CDH4: variants seen among roughly 807,000 people sequenced by gnomAD.
CDH4 encodes the protein cadherin-4.
In CDH4, 33 loss-of-function variants were observed where a neutral mutation model predicts 86.0. That is an observed-to-expected ratio of 0.38 (90% CI 0.29 to 0.51). The LOEUF (loss-of-function observed/expected upper bound fraction) is 0.51. Ranked by LOEUF, CDH4 falls within the 20% of genes least tolerant of loss-of-function variation. The probability of loss-of-function intolerance (pLI) is 0.86; values close to 1 mark genes in which losing one functional copy is unlikely to be tolerated. For synonymous variants in CDH4, 555 were observed against 549.4 expected, an observed-to-expected ratio of 1.01 and a Z score of -0.14; for missense variants, 1,114 against 1,307.4, an observed-to-expected ratio of 0.85 and a Z score of 2.28.
In CDH4 at chr20:61,810,512, A is replaced by G. The variant is rs936353054; in HGVS notation, c.577-34156A>G. On this transcript the variant is annotated intron_variant, in intron 4 of 15. Transcript: ENST00000614565. This position sits in a 1 kb window ranked among gnomAD's most constrained non-coding sequence, Gnocchi z 4.3. The stretch of plus-strand genomic sequence containing the variant: ...AGTGGGAAGGAGCAAGGGAGCGTGT[A>G]CGGGAACCAGAATCAGGGAGCCACA... 6.6e-6 allele frequency among the ~76,000 whole-genome samples: 1 copy of G among 152,118 alleles called. No individual in the cohort carries two copies. Among genetic ancestry groups the G allele is most frequent in the African/African-American group, 2.4e-5 (1 of 41,410 alleles).
intron 3 of CDH4, among the ~76,000 whole-genome samples, chr20:61,767,924 G>A (rs2145979187): frequency 6.6e-6 from 1 of 152,332 alleles, no homozygotes; most frequent in East Asian, 1.9e-4. Flanking sequence ...GCAGCTCCGG[G>A]AAGCTGCCCC....
intron 5 of CDH4, among the ~76,000 whole-genome samples, chr20:61,852,282 G>A (rs533718560): frequency 7.9e-5 from 12 of 152,260 alleles, no homozygotes; most frequent in African/African-American, 1.2e-4. Flanking sequence ...TGCACACCCC[G>A]ACCTGTCTCC....
chr20:61,692,890 A>ATAT (rs2087675552), intron 2 of CDH4, among the ~76,000 whole-genome samples: 1 of 149,170 alleles, frequency 6.7e-6, no homozygotes, highest in Admixed American at 6.7e-5. Context: ...GCCCGTGTGG[A>ATAT]TATTGGTCAA....
chr20:61,525,645 G>A (rs990123268), intron 2 of CDH4, among the ~76,000 whole-genome samples: 2 of 152,182 alleles, frequency 1.3e-5, no homozygotes, highest in African/African-American at 2.4e-5. Context: ...TCTGTGCTGC[G>A]GCTGTACCCG....
At chr20:61,444,644 CGT>C (rs1260707050) in intron 2 of CDH4, among the ~76,000 whole-genome samples, 27 of 74,462 alleles carry the variant, frequency 3.6e-4, no homozygotes, top group Middle Eastern at 0.012. Flanking sequence ...TGTGTTTCTG[CGT>C]GTGTGTTTTT....
chr20:61,302,467 G>A (rs2084391052), intron 2 of CDH4, among the ~76,000 whole-genome samples: 1 of 150,770 alleles, frequency 6.6e-6, no homozygotes, highest in Admixed American at 6.6e-5. Context: ...TTTCCTGTAT[G>A]TGTTTCCTTG....
intron 4 of CDH4, among the ~76,000 whole-genome samples, chr20:61,799,232 A>G (rs1979704872): frequency 6.6e-6 from 1 of 152,230 alleles, no homozygotes; most frequent in African/African-American, 2.4e-5. Context: ...GAAAGCTATA[A>G]ATTGGGAATT....
intron 6 of CDH4, 25 bp downstream of exon 6, chr20:61,852,923 T>C (rs1282887434): frequency 6.2e-7 from 1 of 1,612,528 alleles, no homozygotes; most frequent in Non-Finnish European, 8.5e-7. Context: ...GTTTGCTTGC[T>C]GGAGACCCTG....
At chr20:61,566,063 C>T (rs981309675) in intron 2 of CDH4, among the ~76,000 whole-genome samples, 1 of 152,204 alleles carries the variant, frequency 6.6e-6, no homozygotes, top group South Asian at 2.1e-4. Context: ...CGGTGGGTCG[C>T]TGGTCCTCTG....
At chr20:61,925,590 G>A (rs1360228245) in intron 11 of CDH4, among the ~76,000 whole-genome samples, 1 of 152,246 alleles carries the variant, frequency 6.6e-6, no homozygotes, top group Non-Finnish European at 1.5e-5. Context: ...TCATCAGTGG[G>A]TGGAACACAG....
intron 2 of CDH4, among the ~76,000 whole-genome samples, chr20:61,599,081 T>G (rs2145741910): frequency 6.6e-6 from 1 of 152,284 alleles, no homozygotes; most frequent in African/African-American, 2.4e-5. Context: ...CCTGGGAAGT[T>G]CCCACTCTCC....
intron 2 of CDH4, among the ~76,000 whole-genome samples, chr20:61,405,970 G>A (rs1046844191): frequency 1.1e-4 from 17 of 152,242 alleles, no homozygotes; most frequent in Admixed American, 1.0e-3. Flanking sequence ...GTGAGCCACC[G>A]CGCCCGGCCT....
chr20:61,564,030 A>G (rs2086243132), intron 2 of CDH4, among the ~76,000 whole-genome samples: 1 of 151,940 alleles, frequency 6.6e-6, no homozygotes, highest in African/African-American at 2.4e-5. Context: ...CCGTCCCTCA[A>G]TGCACCTCCT....
intron 2 of CDH4, among the ~76,000 whole-genome samples, chr20:61,638,330 A>T (rs1167491444): frequency 1.3e-5 from 2 of 152,132 alleles, no homozygotes; most frequent in Non-Finnish European, 2.9e-5. Flanking sequence ...GAGAAATGAG[A>T]TTTGTGTGGT....
At chr20:61,565,250 CTTGGTGATGGTGGTGGTGG>C (rs2086273309) in intron 2 of CDH4, among the ~76,000 whole-genome samples, 1 of 70,316 alleles carries the variant, frequency 1.4e-5, no homozygotes, top group East Asian at 3.7e-4. Flanking sequence ...TGGCGGTGCT[CTTGGTGATGGTGGTGGTGG>C]TCCTCTTGGT....
intron 4 of CDH4, among the ~76,000 whole-genome samples, chr20:61,794,783 A>G (rs1426133555): frequency 6.6e-6 from 1 of 152,182 alleles, no homozygotes; most frequent in Non-Finnish European, 1.5e-5. Flanking sequence ...CAGTCCCGCA[A>G]GTGGGTCCTG....
chr20:61,558,245 T>C (rs1010673749), intron 2 of CDH4, among the ~76,000 whole-genome samples: 3 of 152,158 alleles, frequency 2.0e-5, no homozygotes, highest in Non-Finnish European at 4.4e-5. Context: ...TAGAGAATAC[T>C]CAAGAATTCA....
intron 2 of CDH4, among the ~76,000 whole-genome samples, chr20:61,509,491 C>T (rs901672499): frequency 6.1e-5 from 9 of 147,598 alleles, no homozygotes; most frequent in Admixed American, 2.1e-4. Context: ...AGGAGGCATT[C>T]GAGATGGGCC....
At chr20:61,622,365 G>C (rs1438145789) in intron 2 of CDH4, among the ~76,000 whole-genome samples, 4 of 152,240 alleles carry the variant, frequency 2.6e-5, no homozygotes, top group Admixed American at 2.6e-4. Flanking sequence ...CAGGTAGTTT[G>C]CTGAGAGTTA....
Sources: gnomAD v4.1 joint callset for allele counts (sites outside exome capture counted in the v4.1 genomes callset) on GRCh38, gnomAD v4.1.1 for gene constraint, Gnocchi (gnomAD v3.1) non-coding constraint, MANE v1.5 for transcripts, NCBI Gene and HGNC (gene_info 2026-07-23, HGNC 2026-07-21) for gene names.